ELAVL2: variants seen among roughly 807,000 people sequenced by gnomAD.
ELAVL2 encodes the protein ELAV-like protein 2.
In ELAVL2, 4 loss-of-function variants were observed where a neutral mutation model predicts 34.6. The ratio of observed to expected loss-of-function variants is 0.12; its 90% CI spans 0.06 to 0.26. The LOEUF (loss-of-function observed/expected upper bound fraction) is 0.26, where lower values mean the gene tolerates loss of function less well. Ranked by LOEUF, ELAVL2 falls within the 10% of genes least tolerant of loss-of-function variation. The probability of loss-of-function intolerance (pLI) is 1.00; values close to 1 mark genes in which losing one functional copy is unlikely to be tolerated. For missense variants in ELAVL2, 432 were observed against 442.8 expected (o/e 0.98, Z 0.22); for synonymous variants, 193 against 154.8 (o/e 1.25, Z -1.83).
intron 1 of ELAVL2, among the ~76,000 whole-genome samples, chr9:23,820,583 G>C (rs895449008): frequency 6.6e-6 from 1 of 152,208 alleles, no homozygotes; most frequent in South Asian, 2.1e-4. Flanking sequence ...TAGAGGCATG[G>C]TTTTACGCTC....
At chr9:23,695,508 CT>C (rs2034844423) in intron 5 of ELAVL2, among the ~76,000 whole-genome samples, 1 of 152,050 alleles carries the variant, frequency 6.6e-6, no homozygotes, top group Non-Finnish European at 1.5e-5. Context: ...ACCGTCAGGC[CT>C]TTTTTAACAA....
rs1345322062 is a variant in ELAVL2 at position 23,826,223 on chromosome 9, TA to T, written c.-434del. ...CTGCATCTCTAACTAAGAACAGAAATAGGGGGGAGGACGTCTTAAAAGGGAG... is the reference window on the plus strand; with the variant it reads ...CTGCATCTCTAACTAAGAACAGAAATGGGGGGAGGACGTCTTAAAAGGGAG... On this transcript the variant is annotated 5_prime_UTR_variant, in exon 1 of 7. Transcript: ENST00000397312. 8 of 152,080 alleles carry T rather than the reference TA, an allele frequency of 5.3e-5. No homozygotes were observed. In the East Asian group the frequency reaches 7.7e-4, roughly 15 times the overall value. The allele number at this position is 152,080 out of a possible 1,614,324, so 9.4% of individuals were successfully genotyped here. A position where few individuals can be genotyped will look rare whatever the true frequency, so the allele number is the denominator to read the frequency against.
intron 2 of ELAVL2, among the ~76,000 whole-genome samples, chr9:23,737,657 A>G (rs1208541230): frequency 6.6e-6 from 1 of 152,222 alleles, no homozygotes; most frequent in Admixed American, 6.5e-5. Flanking sequence ...CTGGTAGTTG[A>G]ATCAACAATA....
intron 3 of ELAVL2, among the ~76,000 whole-genome samples, chr9:23,723,432 G>T (rs2044259083): frequency 6.6e-6 from 1 of 151,944 alleles, no homozygotes; most frequent in Non-Finnish European, 1.5e-5. Flanking sequence ...GGGGACGGGG[G>T]AGGGATAGCA....
At chr9:23,806,015 A>T (rs1447744179) in intron 1 of ELAVL2, among the ~76,000 whole-genome samples, 2 of 152,182 alleles carry the variant, frequency 1.3e-5, no homozygotes, top group Non-Finnish European at 2.9e-5. Flanking sequence ...CTGCAAACAG[A>T]TACCATAAAT....
chr9:23,764,443 C>T (rs949697630), intron 1 of ELAVL2, among the ~76,000 whole-genome samples: 1 of 152,146 alleles, frequency 6.6e-6, no homozygotes, highest in African/African-American at 2.4e-5. Context: ...ATTACAGCAT[C>T]TCTCTGCTAT....
intron 1 of ELAVL2, among the ~76,000 whole-genome samples, chr9:23,812,735 T>C (rs182894735): frequency 1.5e-4 from 22 of 149,028 alleles, no homozygotes; most frequent in Non-Finnish European, 7.4e-5. Context: ...ACACTTATAC[T>C]AACACTCCAA....
chr9:23,724,653 A>G (rs1484929379), intron 3 of ELAVL2, among the ~76,000 whole-genome samples: 1 of 152,214 alleles, frequency 6.6e-6, no homozygotes, highest in East Asian at 1.9e-4. Flanking sequence ...ATGGGACTCA[A>G]TATAGATAGA....
At chr9:23,759,187 A>C (rs2054280098) in intron 2 of ELAVL2, among the ~76,000 whole-genome samples, 1 of 152,084 alleles carries the variant, frequency 6.6e-6, no homozygotes, top group Non-Finnish European at 1.5e-5. Context: ...TCAACCAATA[A>C]ATGGATAAAG....
chr9:23,734,224 G>T (rs955382507), intron 2 of ELAVL2, among the ~76,000 whole-genome samples: 3 of 152,164 alleles, frequency 2.0e-5, no homozygotes, highest in Admixed American at 6.5e-5. Context: ...AATCAAGGCA[G>T]CAAATATTTA....
At chr9:23,808,746 G>T (rs540456079) in intron 1 of ELAVL2, among the ~76,000 whole-genome samples, 1 of 152,114 alleles carries the variant, frequency 6.6e-6, no homozygotes, top group Non-Finnish European at 1.5e-5. Flanking sequence ...CGATAACAGA[G>T]AATAATCACA....
At chr9:23,818,905 T>A (rs1215869892) in intron 1 of ELAVL2, among the ~76,000 whole-genome samples, 1 of 152,218 alleles carries the variant, frequency 6.6e-6, no homozygotes, top group Non-Finnish European at 1.5e-5. Flanking sequence ...ACTGTGGTGC[T>A]CTTGTGCAAT....
At chr9:23,702,979 A>AAAAAAAAAAAAAAAAAT (rs2037970345) in intron 4 of ELAVL2, among the ~76,000 whole-genome samples, 1 of 128,800 alleles carries the variant, frequency 7.8e-6, no homozygotes, top group Non-Finnish European at 1.6e-5. Context: ...AAAAAAAAAA[A>AAAAAAAAAAAAAAAAAT]AACAGCCTCT....
intron 1 of ELAVL2, among the ~76,000 whole-genome samples, chr9:23,790,210 G>C (rs1588536260): frequency 6.6e-6 from 1 of 152,112 alleles, no homozygotes; most frequent in Non-Finnish European, 1.5e-5. Flanking sequence ...ATGAATACCA[G>C]AGAGAGATGA....
At chr9:23,802,820 A>C (rs2061732007) in intron 1 of ELAVL2, among the ~76,000 whole-genome samples, 1 of 152,236 alleles carries the variant, frequency 6.6e-6, no homozygotes, top group South Asian at 2.1e-4. Flanking sequence ...GTAAAATGTA[A>C]AACTATGCCA....
At chr9:23,801,980 G>A (rs1322363131) in intron 1 of ELAVL2, among the ~76,000 whole-genome samples, 1 of 152,194 alleles carries the variant, frequency 6.6e-6, no homozygotes, top group Non-Finnish European at 1.5e-5. Context: ...ACTAATGCGG[G>A]AAGCTGAAAT....
chr9:23,775,221 C>A (rs2058002572), intron 1 of ELAVL2, among the ~76,000 whole-genome samples: 1 of 152,018 alleles, frequency 6.6e-6, no homozygotes, highest in Admixed American at 6.6e-5. Flanking sequence ...TCTTTCCATG[C>A]CAGTCTCAAG....
chr9:23,696,295 G>C (rs1286778383), intron 5 of ELAVL2, among the ~76,000 whole-genome samples: 5 of 152,012 alleles, frequency 3.3e-5, no homozygotes, highest in Admixed American at 1.3e-4. Flanking sequence ...CTCAGAAAAG[G>C]CAACGGGTGC....
At chr9:23,763,097 A>G (rs2055418160) in intron 1 of ELAVL2, among the ~76,000 whole-genome samples, 1 of 152,114 alleles carries the variant, frequency 6.6e-6, no homozygotes, top group South Asian at 2.1e-4. Context: ...CCAGTCAATG[A>G]AAACAACAAT....
Sources: gnomAD v4.1 joint callset for allele counts (sites outside exome capture counted in the v4.1 genomes callset) on GRCh38, gnomAD v4.1.1 for gene constraint, MANE v1.5 for transcripts, NCBI Gene and HGNC (gene_info 2026-07-23, HGNC 2026-07-21) for gene names.